The following NAV3 variants were observed in gnomAD, a reference collection of about 807,000 sequenced individuals.
NAV3 encodes neuron navigator 3.
A neutral mutation model predicts 244.7 loss-of-function variants in NAV3; 87 were observed. The observed-to-expected ratio is 0.36, with a 90% CI of 0.30 to 0.42. The LOEUF (loss-of-function observed/expected upper bound fraction) is 0.42. NAV3 is among the 20% of genes least tolerant of loss of function. The pLI, the probability that NAV3 is intolerant of heterozygous loss-of-function variation, is 1.00. For missense variants in NAV3, 2,663 were observed against 2,893.3 expected, an observed-to-expected ratio of 0.92 and a Z score of 1.83; for synonymous variants, 1,126 against 1,042.2, an observed-to-expected ratio of 1.08 and a Z score of -1.55.
At chr12:78,181,703 A>G (rs1958504853) in intron 30 of NAV3, among the ~76,000 whole-genome samples, 1 of 152,058 alleles carries the variant, frequency 6.6e-6, no homozygotes, top group African/African-American at 2.4e-5. Flanking sequence ...TCTATATAAT[A>G]TTTACATGAG....
chr12:77,792,299 T>C (rs780657147), intron 2 of NAV3, among the ~76,000 whole-genome samples: 1 of 152,186 alleles, frequency 6.6e-6, no homozygotes, highest in Non-Finnish European at 1.5e-5. Flanking sequence ...TCATTTTATT[T>C]TCTGTTTTAA....
intron 34 of NAV3, among the ~76,000 whole-genome samples, chr12:78,195,696 A>ATGTG (rs1235988309): frequency 6.6e-6 from 1 of 152,044 alleles, no homozygotes. Context: ...CATTATTTAC[A>ATGTG]TGTGTGCCTA....
At chr12:77,980,491 A>C (rs1869375668) in intron 5 of NAV3, among the ~76,000 whole-genome samples, 2 of 152,202 alleles carry the variant, frequency 1.3e-5, no homozygotes, top group African/African-American at 4.8e-5. Flanking sequence ...GATGACTACA[A>C]TGCTTTTTAA....
chr12:78,106,602 AC>A (rs1218782955), intron 12 of NAV3, among the ~76,000 whole-genome samples: 2 of 152,208 alleles, frequency 1.3e-5, no homozygotes, highest in Admixed American at 1.3e-4. Context: ...GTCACTGCCA[AC>A]ACCAGCATGG....
chr12:77,682,573 C>G (rs1874521757), intron 2 of NAV3, among the ~76,000 whole-genome samples: 1 of 152,084 alleles, frequency 6.6e-6, no homozygotes, highest in South Asian at 2.1e-4. Context: ...TTTGAGGAAC[C>G]TATATACTGT....
At chr12:78,051,485 G>T (rs895684106) in intron 11 of NAV3, among the ~76,000 whole-genome samples, 2 of 152,002 alleles carry the variant, frequency 1.3e-5, no homozygotes, top group Non-Finnish European at 2.9e-5. Flanking sequence ...TTGCTGATTT[G>T]CTTGATTTTT....
intron 2 of NAV3, among the ~76,000 whole-genome samples, chr12:77,765,327 T>C (rs927302749): frequency 9.9e-5 from 15 of 152,194 alleles, no homozygotes; most frequent in African/African-American, 3.6e-4. Flanking sequence ...GATCAAAACC[T>C]AATTGTGAAA....
Position 77,983,088 on chromosome 12 carries a change from G to A in NAV3, c.672-11715G>A, listed in dbSNP as rs533631158. Among the ~76,000 whole-genome samples, 32 of 152,290 alleles carry A rather than the reference G, an allele frequency of 2.1e-4. No homozygotes were observed. In the South Asian group the frequency reaches 6.4e-3, roughly 31 times the overall value. ...GAGAAGACTGGAGAAATAGGCAGAGGTCAGTTTGTGGAAGTTGTGAACTCT... is the reference window on the plus strand; with the variant it reads ...GAGAAGACTGGAGAAATAGGCAGAGATCAGTTTGTGGAAGTTGTGAACTCT... On this transcript the variant is annotated intron_variant, in intron 5 of 39. Coordinates refer to ENST00000397909, the MANE Select transcript of NAV3 (RefSeq NM_001024383.2).
intron 2 of NAV3, among the ~76,000 whole-genome samples, chr12:77,609,019 T>C (rs1446527319): frequency 1.3e-5 from 2 of 152,092 alleles, no homozygotes; most frequent in Non-Finnish European, 2.9e-5. Flanking sequence ...TTGGTGTCCC[T>C]ACCTGATTCT....
chr12:77,631,070 G>A (rs1871873833), intron 2 of NAV3, among the ~76,000 whole-genome samples: 1 of 152,152 alleles, frequency 6.6e-6, no homozygotes, highest in Non-Finnish European at 1.5e-5. Flanking sequence ...AAACAACAGG[G>A]TGATTTAAGA....
intron 24 of NAV3, among the ~76,000 whole-genome samples, chr12:78,173,355 A>C (rs1958084041): frequency 6.6e-6 from 1 of 151,684 alleles, no homozygotes; most frequent in African/African-American, 2.4e-5. Flanking sequence ...TTAAAAATTT[A>C]GTATTAAAGA....
chr12:77,958,581 G>T (rs1342498905), intron 3 of NAV3, among the ~76,000 whole-genome samples: 1 of 152,108 alleles, frequency 6.6e-6, no homozygotes, highest in Non-Finnish European at 1.5e-5. Flanking sequence ...AGGGCATTAT[G>T]ATAAGATTAA....
intron 23 of NAV3, among the ~76,000 whole-genome samples, chr12:78,167,857 T>A (rs415128): frequency 0.049 from 7,444 of 151,666 alleles, 201 homozygotes; most frequent in Non-Finnish European, 0.072. Context: ...CTGAAACAAT[T>A]CTCAGTTCTT....
At chr12:77,830,717 A>C (rs1161754112), upstream of NAV3, among the ~76,000 whole-genome samples, 1 of 152,250 alleles carries the variant, frequency 6.6e-6, no homozygotes, top group Non-Finnish European at 1.5e-5. Flanking sequence ...CATGGCTGTC[A>C]GTAGTGAAAA....
At chr12:77,767,173 T>C (rs1479102172) in intron 2 of NAV3, among the ~76,000 whole-genome samples, 1 of 152,238 alleles carries the variant, frequency 6.6e-6, no homozygotes, top group Non-Finnish European at 1.5e-5. Context: ...TTTAAGTTAC[T>C]TGAACTCACT....
At chr12:77,886,799 A>G (rs76046402) in intron 1 of NAV3, among the ~76,000 whole-genome samples, 1,711 of 152,268 alleles carry the variant, frequency 0.011, 31 homozygotes, top group African/African-American at 0.039. Context: ...TTGAGCTGAA[A>G]TAAGCTATAA....
intron 5 of NAV3, among the ~76,000 whole-genome samples, chr12:77,986,341 G>A (rs9706385): frequency 0.45 from 68,369 of 152,010 alleles, 15,890 homozygotes; most frequent in African/African-American, 0.57. Flanking sequence ...CTGCCTGGGC[G>A]ACAGAGCAAA....
chr12:78,198,502 A>T, intron 35 of NAV3, 103 bp from the exon 36 acceptor site: 3 of 602,770 alleles, frequency 5.0e-6, no homozygotes. Flanking sequence ...AAATATTGAA[A>T]TGGAATAATC....
chr12:78,207,227 G>A (rs533357176), intron 39 of NAV3, among the ~76,000 whole-genome samples: 36 of 152,236 alleles, frequency 2.4e-4, no homozygotes, highest in East Asian at 1.7e-3. Context: ...AATCCCCATA[G>A]CAATGAGTGT....
Sources: allele counts gnomAD v4.1 joint callset (sites outside exome capture counted in the v4.1 genomes callset), GRCh38; gene constraint gnomAD v4.1.1; transcripts MANE v1.5; gene names NCBI Gene and HGNC (gene_info 2026-07-23, HGNC 2026-07-21).